ITGB8: variants seen among roughly 807,000 people sequenced by gnomAD.
ITGB8 encodes the protein integrin beta-8.
In ITGB8, 30 loss-of-function variants were observed where a neutral mutation model predicts 89.5. The ratio of observed to expected loss-of-function variants is 0.34; its 90% confidence interval spans 0.25 to 0.45. ITGB8 has a LOEUF of 0.45. Among genes scored for constraint, ITGB8 ranks in the 20% least tolerant of loss-of-function variants. The probability of loss-of-function intolerance (pLI) is 1.00; values close to 1 mark genes in which losing one functional copy is unlikely to be tolerated. For missense variants in ITGB8, 836 were observed against 933.3 expected (o/e 0.90, Z 1.36); for synonymous variants, 335 against 320.4 (o/e 1.05, Z -0.49).
intron 1 of ITGB8, among the ~76,000 whole-genome samples, chr7:20,351,936 GA>G (rs769677515): frequency 4.6e-5 from 7 of 152,024 alleles, no homozygotes; most frequent in Non-Finnish European, 8.8e-5. Context: ...AGTTGGAAAT[GA>G]AAATAGGAAG....
At chr7:20,381,672 C>A (rs1786400757) in intron 5 of ITGB8, 55 bp from the exon 6 acceptor site, 9 of 1,395,716 alleles carry the variant, frequency 6.4e-6, no homozygotes, top group Non-Finnish European at 8.9e-6. Flanking sequence ...GAGGTAAAAA[C>A]CACAGTACAC....
In ITGB8 at chr7:20,376,667, C is replaced by T. The variant is rs143389487; in HGVS notation, c.389-2384C>T. 7.9e-5 allele frequency among the ~76,000 whole-genome samples: 12 copies of T among 152,188 alleles called. No individual in the cohort carries two copies. In the East Asian group the frequency reaches 2.3e-3, roughly 29 times the overall value. On this transcript the variant is annotated intron_variant, in intron 3 of 13. Coordinates refer to ENST00000222573, the MANE Select transcript of ITGB8 (RefSeq NM_002214.3). ...CCAAGCTTGACCCCTTTGGTTTCCTCCTTATCAAGCAGAGCACGATTTGGG... is the reference window on the plus strand; with the variant it reads ...CCAAGCTTGACCCCTTTGGTTTCCTTCTTATCAAGCAGAGCACGATTTGGG...
Position 20,362,145 on chromosome 7 carries a change from TCTC to T in ITGB8, c.128-1489_128-1487del, listed in dbSNP as rs1336685886. On this transcript the variant is annotated intron_variant, in intron 1 of 13. Transcript: ENST00000222573. ...AACACAGTTCCTCCCTCTCTACTCT[TCTC>T]CTACTACCTTCCCCTCTCATCCCCT... is the stretch of plus-strand genomic sequence containing the variant. Among the ~76,000 whole-genome samples, 4 of 152,260 alleles carry T rather than the reference TCTC, an allele frequency of 2.6e-5. No individual in the cohort carries two copies. In the East Asian group the frequency reaches 7.7e-4, roughly 29 times the overall value.
chr7:20,333,896 A>C (rs1361001834), intron 1 of ITGB8, among the ~76,000 whole-genome samples: 2 of 141,756 alleles, frequency 1.4e-5, no homozygotes, highest in African/African-American at 5.0e-5. Flanking sequence ...TATAGCTACA[A>C]GTCTCAAATT....
At chr7:20,387,523 A>G (rs1786675311) in intron 6 of ITGB8, among the ~76,000 whole-genome samples, 1 of 152,204 alleles carries the variant, frequency 6.6e-6, no homozygotes, top group African/African-American at 2.4e-5. Flanking sequence ...TGAAGCCCAG[A>G]TGATCTGTTT....
intron 8 of ITGB8, among the ~76,000 whole-genome samples, chr7:20,397,951 C>CT (rs1016098636): frequency 1.5e-4 from 22 of 151,018 alleles, no homozygotes; most frequent in Admixed American, 6.6e-4. Flanking sequence ...TTCGTTTTTC[C>CT]TTTTTTTTGT....
intron 1 of ITGB8, among the ~76,000 whole-genome samples, chr7:20,357,862 A>C (rs1785352067): frequency 6.6e-6 from 1 of 152,270 alleles, no homozygotes; most frequent in African/African-American, 2.4e-5. Flanking sequence ...ATCCAGAAAT[A>C]GAATTACTTA....
At chr7:20,332,085 G>A (rs1784421810) in intron 1 of ITGB8, 152 bp downstream of exon 1, 1 of 1,418,930 alleles carries the variant, frequency 7.0e-7, no homozygotes, top group African/African-American at 1.4e-5. Flanking sequence ...CTCCAGCACA[G>A]ATGGCCTAGA....
chr7:20,404,962 T>TA, intron 11 of ITGB8, 109 bp downstream of exon 11: 1 of 886,788 alleles, frequency 1.1e-6, no homozygotes. Flanking sequence ...ACCACCATGC[T>TA]AAAAAAGAAT....
At chr7:20,382,723 T>C (rs1388994910) in intron 6 of ITGB8, among the ~76,000 whole-genome samples, 1 of 152,206 alleles carries the variant, frequency 6.6e-6, no homozygotes, top group African/African-American at 2.4e-5. Context: ...ACTATTTATG[T>C]CTTAACAACT....
chr7:20,363,068 T>C (rs1468276351), intron 1 of ITGB8, among the ~76,000 whole-genome samples: 1 of 152,204 alleles, frequency 6.6e-6, no homozygotes. Context: ...CATGCCAGTA[T>C]GTCTGGTTCT....
chr7:20,368,376 C>CAATTGAAT (rs1273008313), intron 3 of ITGB8, among the ~76,000 whole-genome samples: 4 of 152,140 alleles, frequency 2.6e-5, no homozygotes, highest in Non-Finnish European at 5.9e-5. Context: ...CGTTCTCGTA[C>CAATTGAAT]ACCTAATTCC....
chr7:20,412,970 CTT>C lies in ITGB8; in HGVS notation c.*2976_*2977del, dbSNP rs905478428. On this transcript the variant is annotated 3_prime_UTR_variant, in exon 14 of 14. Coordinates refer to ENST00000222573, the MANE Select transcript of ITGB8 (RefSeq NM_002214.3). ...AACAGAATTGAGAACTTGAACAACA[CTT>C]TTAGTACTGCAGCATTTTTGTGCCC... The C allele has an allele frequency of 2.6e-5, 4 of 152,466 alleles. No individual in the cohort carries two copies. The East Asian group carries it at 5.8e-4, about 22-fold the overall frequency. The allele number at this position is 152,466 out of a possible 1,614,324, so 9.4% of individuals were successfully genotyped here. A position where few individuals can be genotyped will look rare whatever the true frequency, so the allele number is the denominator to read the frequency against.
intron 1 of ITGB8, chr7:20,352,335 T>G (rs1785141132): frequency 2.6e-5 from 4 of 152,204 alleles, no homozygotes. Flanking sequence ...GAAGACAAAT[T>G]GAAGTATTCA....
intron 6 of ITGB8, among the ~76,000 whole-genome samples, chr7:20,386,181 T>A (rs1786607106): frequency 6.6e-6 from 1 of 152,034 alleles, no homozygotes. Context: ...ATCGAAAGAC[T>A]ACAAAGTACC....
intron 3 of ITGB8, among the ~76,000 whole-genome samples, chr7:20,373,896 C>T (rs1193116383): frequency 1.3e-5 from 2 of 152,174 alleles, no homozygotes; most frequent in African/African-American, 2.4e-5. Flanking sequence ...GATGCTCACA[C>T]CATTCTTTGA....
chr7:20,352,642 TGA>T (rs1262506901), intron 1 of ITGB8: 1 of 152,226 alleles, frequency 6.6e-6, no homozygotes, highest in Non-Finnish European at 1.5e-5. Flanking sequence ...ACCTTTATGT[TGA>T]GAGAGTGTAT....
At chr7:20,339,510 G>C (rs908322688) in intron 1 of ITGB8, among the ~76,000 whole-genome samples, 4 of 152,060 alleles carry the variant, frequency 2.6e-5, no homozygotes, top group African/African-American at 4.8e-5. Flanking sequence ...TTTAACAAAA[G>C]TGCTAAGATC....
intron 10 of ITGB8, among the ~76,000 whole-genome samples, chr7:20,404,251 C>T (rs578215695): frequency 2.0e-5 from 3 of 152,322 alleles, no homozygotes; most frequent in African/African-American, 7.2e-5. Context: ...ATATCAAATA[C>T]CTGTATCTTT....
Sources: gnomAD v4.1 joint callset for allele counts (sites outside exome capture counted in the v4.1 genomes callset) on GRCh38, gnomAD v4.1.1 for gene constraint, MANE v1.5 for transcripts, NCBI Gene and HGNC (gene_info 2026-07-23, HGNC 2026-07-21) for gene names.